The following ABHD6 variants were observed in gnomAD, a reference collection of about 807,000 sequenced individuals.
The protein encoded by ABHD6 is monoacylglycerol lipase ABHD6.
Under a neutral mutation model 38.8 loss-of-function variants are expected in ABHD6, and 33 were observed. That is an observed-to-expected ratio of 0.85 (90% CI 0.64 to 1.14). The LOEUF is 1.14. ABHD6 is among the 50% of genes most tolerant of loss of function. The pLI is 0.00. For synonymous variants in ABHD6, 147 were observed against 161.6 expected (o/e 0.91, Z 0.69); for missense variants, 380 against 422.6 (o/e 0.90, Z 0.88).
chr3:58,264,605 C>T (rs2097439610), intron 3 of ABHD6, among the ~76,000 whole-genome samples: 1 of 152,046 alleles, frequency 6.6e-6, no homozygotes, highest in African/African-American at 2.4e-5. Flanking sequence ...GTGGGAGGGT[C>T]AGTTGGGCTT....
rs1045772068 is a variant in ABHD6, at chr3:58,265,858, A to G, written c.120-1331A>G. Among the ~76,000 whole-genome samples the G allele has an allele frequency of 6.6e-6, 1 of 152,194 alleles. No homozygotes were observed. The highest frequency in any genetic ancestry group is 1.5e-5 in the Non-Finnish European group (1 of 68,026). ...GGGACCAGACTCACTTTTATCAGGAATCTACTCCCTCAATAATAGCATTAA... is the reference window on the plus strand; with the variant it reads ...GGGACCAGACTCACTTTTATCAGGAGTCTACTCCCTCAATAATAGCATTAA... On this transcript the variant is annotated intron_variant, in intron 3 of 9. Coordinates refer to ENST00000478253, the MANE Select transcript of ABHD6 (RefSeq NM_001320126.2). This position sits in a 1 kb window ranked among gnomAD's most constrained non-coding sequence, Gnocchi z 4.2.
At chr3:58,276,735 T>C (rs1266784660) in intron 7 of ABHD6, among the ~76,000 whole-genome samples, 4 of 152,240 alleles carry the variant, frequency 2.6e-5, no homozygotes, top group Non-Finnish European at 1.5e-5. Flanking sequence ...TTCTAGGGTT[T>C]TTATGGTTTT....
Position 58,256,996 on chromosome 3 carries a change from T to G in ABHD6, c.119+291T>G. 6.6e-6 allele frequency among the ~76,000 whole-genome samples: 1 copy of G among 151,782 alleles called. No homozygotes were observed. The highest frequency in any genetic ancestry group is 2.0e-4 in the East Asian group (1 of 5,106). Reference sequence around the variant, plus strand: ...TCAGCTCACTGCAACCTCCACCTCCTGGCTTCAATCAATTTTCCTGCTTCA... The same window carrying G: ...TCAGCTCACTGCAACCTCCACCTCCGGGCTTCAATCAATTTTCCTGCTTCA... On this transcript the variant is annotated intron_variant, in intron 3 of 9. Coordinates refer to ENST00000478253, the MANE Select transcript of ABHD6 (RefSeq NM_001320126.2). This position sits in a 1 kb window ranked among gnomAD's most constrained non-coding sequence, Gnocchi z 4.3.
rs1302847070 is a variant in ABHD6, at chr3:58,273,921, G to A, written c.524-737G>A. Among the ~76,000 whole-genome samples, 2 of 152,192 alleles carry A rather than the reference G, an allele frequency of 1.3e-5. No homozygotes were observed. The highest frequency in any genetic ancestry group is 1.3e-4 in the Admixed American group (2 of 15,272). The stretch of plus-strand genomic sequence containing the variant: ...AAAAAAAATCTAATTATTTGGCTAA[G>A]CTAAATGCCTAGAAATTTGCTCCAT... On this transcript the variant is annotated intron_variant, in intron 6 of 9. Coordinates refer to ENST00000478253, the MANE Select transcript of ABHD6 (RefSeq NM_001320126.2). This position sits in a 1 kb window ranked among gnomAD's most constrained non-coding sequence, Gnocchi z 4.8.
At chr3:58,247,014 T>C (rs2097426871) in intron 1 of ABHD6, among the ~76,000 whole-genome samples, 1 of 150,528 alleles carries the variant, frequency 6.6e-6, no homozygotes, top group Admixed American at 6.6e-5. Context: ...AAACAGTTAA[T>C]ATTTGGTTGC....
Position 58,237,925 on chromosome 3 carries a change from AGGCG to A in ABHD6, c.-91+23_-91+26del, listed in dbSNP as rs1315288351. ...CGGTTGAGGCTGGTCAGGTGAGCGG[AGGCG>A]GGCGGGCGGGCGGTGGTGCGCTCCT... On this transcript the variant is annotated intron_variant, in intron 1 of 9. Transcript: ENST00000478253. 5 of 146,526 alleles carry A rather than the reference AGGCG, an allele frequency of 3.4e-5. No individual in the cohort carries two copies. The highest frequency in any genetic ancestry group is 2.4e-4 in the South Asian group (1 of 4,238). The allele number at this position is 146,526 out of a possible 1,614,324, so 9.1% of individuals were successfully genotyped here.
rs1477463814 is a variant in ABHD6 at position 58,263,781 on chromosome 3, AT to A, written c.120-3406del. 6.6e-6 allele frequency among the ~76,000 whole-genome samples: 1 copy of A among 152,222 alleles called. No homozygotes were observed. Among genetic ancestry groups the A allele is most frequent in the Non-Finnish European group, 1.5e-5 (1 of 68,046 alleles). ...TATGAGAGTTATAGAGAATTTGATG[AT>A]TATAAAAACGTAACCCATTCGAGCC... On this transcript the variant is annotated intron_variant, in intron 3 of 9. Transcript: ENST00000478253. This position sits in a 1 kb window ranked among gnomAD's most constrained non-coding sequence, Gnocchi z 4.9.
At position 58,238,174 on chromosome 3, in the gene ABHD6, G is replaced by C. The variant is rs1055461906; in HGVS notation, c.-91+258G>C. 15 of 152,592 alleles carry C rather than the reference G, an allele frequency of 9.8e-5. No homozygotes were observed. The highest frequency in any genetic ancestry group is 3.6e-4 in the African/African-American group (15 of 41,570). The allele number at this position is 152,592 out of a possible 1,614,324, so 9.5% of individuals were successfully genotyped here. ...CAGCCTCTTGAAGCCGGGGGACAGA[G>C]TGAGGACGGGTCGGGACCTGCACCC... is the stretch of plus-strand genomic sequence containing the variant. On this transcript the variant is annotated intron_variant, in intron 1 of 9. Transcript: ENST00000478253. This position sits in a 1 kb window ranked among gnomAD's most constrained non-coding sequence, Gnocchi z 6.9.
chr3:58,270,208 A>T (rs2097443864), intron 5 of ABHD6, among the ~76,000 whole-genome samples: 1 of 152,180 alleles, frequency 6.6e-6, no homozygotes, highest in Non-Finnish European at 1.5e-5. Flanking sequence ...ATGGGTAGTT[A>T]TATGAATGGA....
chr3:58,252,919 G>T (rs976462359), intron 2 of ABHD6, among the ~76,000 whole-genome samples: 2 of 152,174 alleles, frequency 1.3e-5, no homozygotes, highest in African/African-American at 2.4e-5. Flanking sequence ...GGAATAAATT[G>T]CCTACCCTTT....
At chr3:58,244,151 G>A (rs1186277962) in intron 1 of ABHD6, among the ~76,000 whole-genome samples, 1 of 152,326 alleles carries the variant, frequency 6.6e-6, no homozygotes, top group Non-Finnish European at 1.5e-5. Context: ...ACAATGGAAA[G>A]TAAAATTGCA....
At chr3:58,262,789 G>T (rs953879665) in intron 3 of ABHD6, among the ~76,000 whole-genome samples, 12 of 152,188 alleles carry the variant, frequency 7.9e-5, no homozygotes, top group Non-Finnish European at 1.5e-4. Flanking sequence ...AGTTCTCTGG[G>T]CTGGGCATGG....
chr3:58,285,440 G>A lies in ABHD6; in HGVS notation c.824G>A (p.Gly275Glu), dbSNP rs1241505909. The change falls in exon 9 of 10, where the codon GGG becomes GAG. Residue 275 changes from glycine to glutamate, a missense_variant. Transcript: ENST00000478253. This position sits in a 1 kb window ranked among gnomAD's most constrained non-coding sequence, Gnocchi z 4.9. ...KIKVPTQIIW[G>E]KQDQVLDVSG... ...AAGGTTCCGACGCAGATCATCTGGG[G>A]GAAACAAGACCAGGTATGTAACACA... The A allele has an allele frequency of 6.2e-7, 1 of 1,613,854 alleles. No individual in the cohort carries two copies. Among genetic ancestry groups the A allele is most frequent in the East Asian group, 2.2e-5 (1 of 44,898 alleles).
intron 7 of ABHD6, among the ~76,000 whole-genome samples, chr3:58,277,785 T>C (rs1269380192): frequency 1.3e-5 from 2 of 152,206 alleles, no homozygotes; most frequent in Non-Finnish European, 2.9e-5. Context: ...ATATATTCCA[T>C]GAATACCTAG....
intron 4 of ABHD6, among the ~76,000 whole-genome samples, chr3:58,269,000 G>A (rs1244609666): frequency 1.3e-5 from 2 of 152,196 alleles, no homozygotes; most frequent in East Asian, 3.9e-4. Context: ...TGGAAGGGGT[G>A]AGGGAAAGGA....
intron 9 of ABHD6, among the ~76,000 whole-genome samples, chr3:58,286,844 G>GTATATATATATATATATA (rs1553721712): frequency 5.2e-4 from 26 of 50,044 alleles, no homozygotes; most frequent in African/African-American, 2.3e-3. Flanking sequence ...GTGTGTGTGT[G>GTATATATATATATATATA]TGTGTGTGTA....
intron 7 of ABHD6, among the ~76,000 whole-genome samples, chr3:58,277,371 G>A (rs1394499520): frequency 3.3e-5 from 5 of 152,106 alleles, no homozygotes; most frequent in African/African-American, 2.4e-5. Flanking sequence ...TATTCTCTTT[G>A]TAGCAATTGT....
In ABHD6 at chr3:58,287,005, G is replaced by A. The variant is rs559132876; in HGVS notation, c.837+1552G>A. 1.3e-5 allele frequency among the ~76,000 whole-genome samples: 2 copies of A among 151,744 alleles called. No individual in the cohort carries two copies. ...GAAAATTTGAAAGAAGGCCAGGCAT[G>A]GTGGCTTACGCCTATAATGCCAGCA... On this transcript the variant is annotated intron_variant, in intron 9 of 9. Transcript: ENST00000478253. This position sits in a 1 kb window ranked among gnomAD's most constrained non-coding sequence, Gnocchi z 4.7.
At chr3:58,286,876 G>GTGTATATATATATATATATATA (rs1559784545) in intron 9 of ABHD6, among the ~76,000 whole-genome samples, 9 of 42,092 alleles carry the variant, frequency 2.1e-4, no homozygotes, top group Middle Eastern at 9.6e-3. Flanking sequence ...ATATGTATAT[G>GTGTATATATATATATATATATA]TATATATAAG....
Sources: allele counts gnomAD v4.1 joint callset (sites outside exome capture counted in the v4.1 genomes callset), GRCh38; gene constraint gnomAD v4.1.1; non-coding constraint Gnocchi (gnomAD v3.1); transcripts MANE v1.5; gene names NCBI Gene and HGNC (gene_info 2026-07-23, HGNC 2026-07-21).